CLASP1: variants seen among roughly 807,000 people sequenced by gnomAD.
CLASP1 encodes CLIP-associating protein 1.
In CLASP1, 38 loss-of-function variants were observed where a neutral mutation model predicts 192.3. That is an observed-to-expected ratio of 0.20 (90% CI 0.15 to 0.26). CLASP1 has a LOEUF of 0.26. Ranked by LOEUF, CLASP1 falls within the 10% of genes least tolerant of loss-of-function variation. The pLI is 1.00. For missense variants in CLASP1, 1,433 were observed against 1,932.5 expected (o/e 0.74, Z 4.85); for synonymous variants, 691 against 712.8 (o/e 0.97, Z 0.49).
intron 2 of CLASP1, among the ~76,000 whole-genome samples, chr2:121,531,270 C>T (rs564148874): frequency 6.6e-6 from 1 of 152,252 alleles, no homozygotes; most frequent in South Asian, 2.1e-4. Flanking sequence ...CAATAGGAGA[C>T]GAAGTTTCAG....
intron 8 of CLASP1, among the ~76,000 whole-genome samples, chr2:121,477,859 G>A (rs1456905191): frequency 1.3e-5 from 2 of 152,172 alleles, no homozygotes; most frequent in Non-Finnish European, 2.9e-5. Context: ...GTTTTGCATA[G>A]TCACATTAAA....
At chr2:121,475,216 A>T (rs949643690) in intron 8 of CLASP1, among the ~76,000 whole-genome samples, 1 of 152,230 alleles carries the variant, frequency 6.6e-6, no homozygotes, top group African/African-American at 2.4e-5. Context: ...CTAGATTAAG[A>T]GCTGGACACA....
intron 2 of CLASP1, among the ~76,000 whole-genome samples, chr2:121,543,602 C>G (rs566533359): frequency 6.6e-6 from 1 of 152,258 alleles, no homozygotes; most frequent in Admixed American, 6.5e-5. Flanking sequence ...TCCTCCTGCC[C>G]AAGATTCCTA....
Position 121,363,164 on chromosome 2 carries a change from T to A in CLASP1, c.4206+8A>T, listed in dbSNP as rs777595356. On this transcript the variant is annotated splice_region_variant and intron_variant, in intron 37 of 39. Coordinates refer to ENST00000263710, the Ensembl canonical transcript of CLASP1. ...TGTTCAGCACCCCTGGCCACATGAC[T>A]GACTCACCTCCTTATGGGAGTCTTT... The A allele has an allele frequency of 6.2e-7, 1 of 1,613,972 alleles. No individual in the cohort carries two copies. Among genetic ancestry groups the A allele is most frequent in the South Asian group, 1.1e-5 (1 of 91,080 alleles).
intron 22 of CLASP1, 145 bp from the exon 23 acceptor site, chr2:121,418,874 G>T: frequency 1.6e-6 from 1 of 628,088 alleles, no homozygotes; most frequent in South Asian, 1.9e-5. Context: ...ACCTATCCAT[G>T]CTGAGGTCTC....
chr2:121,479,055 CCCACACA>C (rs2092363601), intron 8 of CLASP1, among the ~76,000 whole-genome samples: 1 of 94,066 alleles, frequency 1.1e-5, no homozygotes, highest in African/African-American at 4.1e-5. Flanking sequence ...ACACCCCCCC[CCCACACA>C]CACACACACA....
At chr2:121,457,454 GACAT>G (rs1553544380) in intron 14 of CLASP1, among the ~76,000 whole-genome samples, 235 of 131,790 alleles carry the variant, frequency 1.8e-3, no homozygotes, top group African/African-American at 8.1e-3. Context: ...CTCTCACACA[GACAT>G]ACACACACAC....
chr2:121,342,899 C>T (rs1263770670), intron 39 of CLASP1, among the ~76,000 whole-genome samples: 3 of 152,054 alleles, frequency 2.0e-5, no homozygotes, highest in East Asian at 1.9e-4. Context: ...ATTGTGCCAC[C>T]GCACTCCAGC....
intron 19 of CLASP1, among the ~76,000 whole-genome samples, chr2:121,434,413 T>C (rs1165443727): frequency 6.6e-6 from 1 of 151,926 alleles, no homozygotes; most frequent in Non-Finnish European, 1.5e-5. Context: ...TACAGGTGTA[T>C]GTCACCACGC....
intron 30 of CLASP1, among the ~76,000 whole-genome samples, chr2:121,396,605 G>A (rs986409667): frequency 6.6e-6 from 1 of 152,156 alleles, no homozygotes; most frequent in African/African-American, 2.4e-5. Flanking sequence ...TCCTAATCGA[G>A]GTAATATGCA....
intron 8 of CLASP1, among the ~76,000 whole-genome samples, chr2:121,492,389 C>CAAAAAAAAA (rs761378692): frequency 2.6e-5 from 1 of 37,914 alleles, no homozygotes; most frequent in Non-Finnish European, 4.7e-5. Context: ...ACTCCCTCTC[C>CAAAAAAAAA]AAAAAAAAAA....
intron 2 of CLASP1, among the ~76,000 whole-genome samples, chr2:121,561,417 T>C (rs1342741226): frequency 6.6e-6 from 1 of 152,056 alleles, no homozygotes; most frequent in African/African-American, 2.4e-5. Flanking sequence ...TAAAAAAGAG[T>C]AGCTTGCAGT....
At chr2:121,580,701 T>C (rs1189314780) in intron 2 of CLASP1, among the ~76,000 whole-genome samples, 2 of 152,252 alleles carry the variant, frequency 1.3e-5, no homozygotes, top group African/African-American at 4.8e-5. Context: ...GCTGGGTAGT[T>C]AAGATTTCCC....
At chr2:121,465,391 G>A (rs1273164682) in intron 9 of CLASP1, among the ~76,000 whole-genome samples, 5 of 152,100 alleles carry the variant, frequency 3.3e-5, no homozygotes, top group African/African-American at 1.2e-4. Flanking sequence ...CAAACAGAGA[G>A]CCAAATCATG....
chr2:121,562,435 A>C (rs1266310113), intron 2 of CLASP1, among the ~76,000 whole-genome samples: 1 of 152,196 alleles, frequency 6.6e-6, no homozygotes, highest in Non-Finnish European at 1.5e-5. Flanking sequence ...CTTTTCCTGA[A>C]TTCTGTCTTT....
At chr2:121,641,025 A>G (rs1277382176) in intron 1 of CLASP1, among the ~76,000 whole-genome samples, 2 of 152,192 alleles carry the variant, frequency 1.3e-5, no homozygotes, top group Non-Finnish European at 2.9e-5. Context: ...AACTTAAATA[A>G]AACAGCCACC....
At chr2:121,382,119 G>T in intron 33 of CLASP1, 89 bp downstream of exon 34, 1 of 987,500 alleles carries the variant, frequency 1.0e-6, no homozygotes, top group Non-Finnish European at 1.6e-6. Context: ...ACTGGAGGCA[G>T]CTTAGAGGCT....
intron 23 of CLASP1, among the ~76,000 whole-genome samples, chr2:121,411,275 A>G (rs959697222): frequency 1.3e-5 from 2 of 152,268 alleles, no homozygotes; most frequent in Non-Finnish European, 2.9e-5. Context: ...TGAGTCTTTT[A>G]ATCTATTTAG....
At chr2:121,422,490 A>G (rs1281954270) in intron 22 of CLASP1, among the ~76,000 whole-genome samples, 1 of 152,228 alleles carries the variant, frequency 6.6e-6, no homozygotes, top group Non-Finnish European at 1.5e-5. Flanking sequence ...TCCAAAATAT[A>G]ATCACTATAG....
Sources: allele counts gnomAD v4.1 joint callset (sites outside exome capture counted in the v4.1 genomes callset), GRCh38; gene constraint gnomAD v4.1.1; transcripts MANE v1.5; gene names NCBI Gene and HGNC (gene_info 2026-07-23, HGNC 2026-07-21).